The following QTMAN variants were observed in gnomAD, a reference collection of about 807,000 sequenced individuals.
QTMAN encodes tRNA-queuosine alpha-mannosyltransferase.
chr2:144,225,584 A>G, the QTMAN span, among the ~76,000 whole-genome samples: 3 of 152,162 alleles, frequency 2.0e-5, no homozygotes, highest in East Asian at 3.8e-4. Flanking sequence ...CTATTTTATC[A>G]AACACTCCAT....
At chr2:143,985,643 C>G in the QTMAN span, among the ~76,000 whole-genome samples, 1 of 152,038 alleles carries the variant, frequency 6.6e-6, no homozygotes, top group African/African-American at 2.4e-5. Context: ...GAAACTGTAC[C>G]ATGCTTTCTA....
At chr2:144,140,212 A>G in the QTMAN span, among the ~76,000 whole-genome samples, 11 of 151,980 alleles carry the variant, frequency 7.2e-5, no homozygotes, top group African/African-American at 1.9e-4. Context: ...ACCTTTTTCT[A>G]TTTAGCTAGA....
the QTMAN span, among the ~76,000 whole-genome samples, chr2:144,166,897 C>G: frequency 6.6e-6 from 1 of 152,162 alleles, no homozygotes; most frequent in African/African-American, 2.4e-5. Context: ...CTCACCAATG[C>G]CCCAAGCACA....
chr2:144,326,720 G>C, the QTMAN span, among the ~76,000 whole-genome samples: 2 of 152,106 alleles, frequency 1.3e-5, no homozygotes, highest in Non-Finnish European at 2.9e-5. Context: ...TTATTGTTGG[G>C]AGAAATTTAT....
At chr2:144,238,240 AAGT>A in the QTMAN span, among the ~76,000 whole-genome samples, 1 of 152,244 alleles carries the variant, frequency 6.6e-6, no homozygotes, top group African/African-American at 2.4e-5. Context: ...CAAATCAAGG[AAGT>A]AGCCAACTAC....
chr2:143,938,223 A>G, the QTMAN span: 9 of 152,222 alleles, frequency 5.9e-5, no homozygotes, highest in African/African-American at 1.9e-4. Flanking sequence ...TCAAATGGAA[A>G]AAGGAGAGAT....
the QTMAN span, among the ~76,000 whole-genome samples, chr2:144,017,932 C>G: frequency 6.6e-6 from 1 of 152,134 alleles, no homozygotes; most frequent in Non-Finnish European, 1.5e-5. Context: ...AAGGCAGGTA[C>G]TTTTAATGTT....
At chr2:144,183,009 T>C in the QTMAN span, among the ~76,000 whole-genome samples, 2,313 of 146,126 alleles carry the variant, frequency 0.016, 65 homozygotes, top group African/African-American at 0.055. Flanking sequence ...AAGATTTCTA[T>C]AGAAGGTTTT....
the QTMAN span, among the ~76,000 whole-genome samples, chr2:144,170,648 T>C: frequency 3.9e-5 from 6 of 152,116 alleles, no homozygotes; most frequent in African/African-American, 1.4e-4. Context: ...TCCAATGTTG[T>C]GTGTTACCCA....
At chr2:144,104,714 C>T in the QTMAN span, among the ~76,000 whole-genome samples, 5 of 152,228 alleles carry the variant, frequency 3.3e-5, no homozygotes, top group Admixed American at 1.3e-4. Flanking sequence ...CAGAAGAAAC[C>T]TCTGCAGACA....
chr2:144,184,702 T>A, the QTMAN span, among the ~76,000 whole-genome samples: 1 of 152,168 alleles, frequency 6.6e-6, no homozygotes, highest in African/African-American at 2.4e-5. Context: ...TATGTTTCCT[T>A]AGCACTTAAA....
the QTMAN span, among the ~76,000 whole-genome samples, chr2:144,259,338 T>A: frequency 3.3e-5 from 5 of 152,150 alleles, no homozygotes; most frequent in Non-Finnish European, 5.9e-5. Flanking sequence ...TTTGTACTTT[T>A]GGTAGAGACG....
the QTMAN span, among the ~76,000 whole-genome samples, chr2:143,996,210 T>A: frequency 6.6e-6 from 1 of 152,134 alleles, no homozygotes; most frequent in African/African-American, 2.4e-5. Context: ...AAGGAGAAAC[T>A]GTCATCTTCA....
At chr2:144,216,526 C>A in the QTMAN span, among the ~76,000 whole-genome samples, 1 of 152,186 alleles carries the variant, frequency 6.6e-6, no homozygotes. Flanking sequence ...GTACTTGATA[C>A]TAATGATTTC....
the QTMAN span, among the ~76,000 whole-genome samples, chr2:143,973,493 A>C: frequency 1.3e-5 from 2 of 152,156 alleles, no homozygotes; most frequent in Non-Finnish European, 2.9e-5. Context: ...TTTTCTTTTT[A>C]GAAAAATGAG....
the QTMAN span, among the ~76,000 whole-genome samples, chr2:144,005,540 C>G: frequency 6.6e-6 from 1 of 152,048 alleles, no homozygotes; most frequent in African/African-American, 2.4e-5. Context: ...TTCCAATGTT[C>G]TACTATATTA....
At chr2:143,950,814 C>G in the QTMAN span, 2 of 151,974 alleles carry the variant, frequency 1.3e-5, no homozygotes, top group African/African-American at 4.8e-5. Context: ...CTCTGTGGAG[C>G]TTCCCATGTA....
At chr2:144,284,251 T>A in the QTMAN span, among the ~76,000 whole-genome samples, 11 of 151,904 alleles carry the variant, frequency 7.2e-5, no homozygotes, top group African/African-American at 2.4e-4. Context: ...TAGAAATACC[T>A]CCCATGGAAA....
the QTMAN span, among the ~76,000 whole-genome samples, chr2:143,964,691 A>T: frequency 1.1e-4 from 16 of 152,210 alleles, no homozygotes; most frequent in South Asian, 3.3e-3. Flanking sequence ...ATTATCCAAC[A>T]TTTGACTCCA....
Sources: allele counts gnomAD v4.1 joint callset (sites outside exome capture counted in the v4.1 genomes callset), GRCh38; gene constraint gnomAD v4.1.1; transcripts MANE v1.5; gene names NCBI Gene and HGNC (gene_info 2026-07-23, HGNC 2026-07-21).